The following PLBD2 variants were observed in gnomAD, a reference collection of about 807,000 sequenced individuals.
PLBD2 encodes the protein phospholipase B domain containing 2.
A neutral mutation model predicts 68.3 loss-of-function variants in PLBD2; 51 were observed. The ratio of observed to expected loss-of-function variants is 0.75; its 90% CI spans 0.60 to 0.94. The LOEUF (loss-of-function observed/expected upper bound fraction) is 0.94, where lower values mean the gene tolerates loss of function less well. PLBD2 is among the 40% of genes least tolerant of loss of function. The pLI is 0.00. For missense variants in PLBD2, 729 were observed against 792.2 expected, an observed-to-expected ratio of 0.92 and a Z score of 0.96; for synonymous variants, 314 against 339.3, an observed-to-expected ratio of 0.93 and a Z score of 0.82.
At chr12:113,371,393 G>A (rs1476234581) in intron 2 of PLBD2, among the ~76,000 whole-genome samples, 2 of 152,246 alleles carry the variant, frequency 1.3e-5, no homozygotes, top group African/African-American at 4.8e-5. Flanking sequence ...ATGCCTGGAG[G>A]CGAGGGGGAA....
chr12:113,380,824 C>G lies in PLBD2; in HGVS notation c.939C>G (p.Tyr313Ter). 1 of 1,556,214 alleles carries G rather than the reference C, an allele frequency of 6.4e-7. No individual in the cohort carries two copies. Among genetic ancestry groups the G allele is most frequent in the Non-Finnish European group, 8.7e-7 (1 of 1,149,656 alleles). Residue 313 changes from tyrosine to a stop codon, truncating the protein, a stop_gained, in exon 6 of 12, where the codon TAC becomes TAG. Coordinates refer to ENST00000280800, the MANE Select transcript of PLBD2 (RefSeq NM_173542.4). LOFTEE classifies it high-confidence loss of function. ...PGTIFSCDDF[Y>*]ILGSGLVTLE... ...CCATCTTCTCCTGCGACGACTTCTA[C>G]ATCCTGGGCAGTGGGCTGGTGAGTC...
intron 6 of PLBD2, among the ~76,000 whole-genome samples, chr12:113,383,695 A>G (rs1312803662): frequency 2.6e-5 from 4 of 151,524 alleles, no homozygotes; most frequent in African/African-American, 9.7e-5. Flanking sequence ...TTGGCCTCCC[A>G]AAGTGTGAGC....
rs775686686 is a variant in PLBD2, at chr12:113,369,148, A to G, written c.323A>G (p.Gln108Arg). 1.3e-5 allele frequency: 21 copies of G among 1,606,284 alleles called. No individual in the cohort carries two copies. Among genetic ancestry groups the G allele is most frequent in the Middle Eastern group, 1.7e-4 (1 of 6,056 alleles). The change falls in exon 2 of 12, where the codon CAA becomes CGA. Residue 108 changes from glutamine to arginine, a missense_variant. Physicochemically the swap from Gln to Arg is conservative, Grantham distance 43. Coordinates refer to ENST00000280800, the MANE Select transcript of PLBD2 (RefSeq NM_173542.4). ...TTCCTGGAGCTGGGCACAAGTGGCC[A>G]ATACAATGACAGCTTGCAGGCCTAT... ...WAFLELGTSG[Q>R]YNDSLQAYAA...
Position 113,369,226 on chromosome 12 carries a change from G to A in PLBD2, c.384+17G>A. The stretch of plus-strand genomic sequence containing the variant: ...TCGGAGGAGGTAAGGGCCAAGGTGG[G>A]GACATGGGGCTCCCACCCTGCCCCA... On this transcript the variant is annotated intron_variant, in intron 2 of 11. Transcript: ENST00000280800. The A allele has an allele frequency of 6.3e-7, 1 of 1,576,564 alleles. No individual in the cohort carries two copies. The highest frequency in any genetic ancestry group is 8.6e-7 in the Non-Finnish European group (1 of 1,160,092).
Position 113,372,820 on chromosome 12 carries a change from G to A in PLBD2, c.543+13G>A. Reference sequence around the variant, plus strand: ...TTACTGGCACCAGGTGAGTCCTGCTGCCACGCTTGGTGGGAGGGGGCTTCC... The same window carrying A: ...TTACTGGCACCAGGTGAGTCCTGCTACCACGCTTGGTGGGAGGGGGCTTCC... On this transcript the variant is annotated intron_variant, in intron 3 of 11. Coordinates refer to ENST00000280800, the MANE Select transcript of PLBD2 (RefSeq NM_173542.4). The surrounding 1 kb of genome is among the most constrained non-coding windows in gnomAD (Gnocchi z 4.2). 1 of 1,608,542 alleles carries A rather than the reference G, an allele frequency of 6.2e-7. No individual in the cohort carries two copies. The highest frequency in any genetic ancestry group is 8.5e-7 in the Non-Finnish European group (1 of 1,177,482).
chr12:113,376,645 A>T (rs955479898), intron 5 of PLBD2: 3 of 152,162 alleles, frequency 2.0e-5, no homozygotes. Flanking sequence ...GCATGAATAC[A>T]TTCTTCCTGT....
chr12:113,380,284 A>C (rs529966063), intron 5 of PLBD2, among the ~76,000 whole-genome samples: 75 of 152,120 alleles, frequency 4.9e-4, no homozygotes, highest in Admixed American at 1.4e-3. Context: ...CTATAGGCGC[A>C]CGCCACCACG....
At chr12:113,368,050 C>A (rs1957357053) in intron 1 of PLBD2, among the ~76,000 whole-genome samples, 1 of 152,056 alleles carries the variant, frequency 6.6e-6, no homozygotes, top group Admixed American at 6.6e-5. Flanking sequence ...CCAGTACCCC[C>A]CAGCCTGGGA....
chr12:113,358,717 G>C lies in PLBD2; in HGVS notation c.117G>C (p.Ala39=). The change falls in exon 1 of 12, where the codon GCG becomes GCC. Residue 39 remains alanine, a synonymous_variant. Transcript: ENST00000280800. Reference sequence around the variant, plus strand: ...TCGGGCCGTTCCTGAGCGGCCTGGCGGGGGCGATCCCAGCGCCGGGGGGCC... The same window carrying C: ...TCGGGCCGTTCCTGAGCGGCCTGGCCGGGGCGATCCCAGCGCCGGGGGGCC... ...LLVGPFLSGL[A]GAIPAPGGRW... 1 of 1,395,066 alleles carries C rather than the reference G, an allele frequency of 7.2e-7. No individual in the cohort carries two copies. Among genetic ancestry groups the C allele is most frequent in the South Asian group, 1.6e-5 (1 of 60,820 alleles). 86.4% of individuals were successfully genotyped at this position (1,395,066 alleles called of 1,614,324 possible). A position where few individuals can be genotyped will look rare whatever the true frequency, so the allele number is the denominator to read the frequency against.
intron 6 of PLBD2, among the ~76,000 whole-genome samples, chr12:113,382,835 T>TTTTGTGTGTGTGTGTG (rs1335785271): frequency 5.6e-5 from 6 of 106,608 alleles, no homozygotes; most frequent in African/African-American, 1.1e-4. Context: ...TGGTGGTTTT[T>TTTTGTGTGTGTGTGTG]TGTGTGTGTG....
Position 113,374,829 on chromosome 12 carries a change from G to C in PLBD2, c.681G>C (p.Glu227Asp), listed in dbSNP as rs1392411845. 1.9e-6 allele frequency: 3 copies of C among 1,613,782 alleles called. No homozygotes were observed. In the Admixed American group the frequency reaches 5.0e-5, roughly 27 times the overall value. The change falls in exon 5 of 12, where the codon GAG becomes GAC. Residue 227 changes from glutamate to aspartate, a missense_variant. Coordinates refer to ENST00000280800, the MANE Select transcript of PLBD2 (RefSeq NM_173542.4). ...LQLSGDLEDLELALNKTKIKP... is the reference protein window; with the variant it reads ...LQLSGDLEDLDLALNKTKIKP... ...TCTCTGGGGACCTGGAAGACCTGGA[G>C]CTGGCCCTGAACAAGACCAAGATCA... is the stretch of plus-strand genomic sequence containing the variant.
Position 113,390,910 on chromosome 12 carries a change from C to T in PLBD2, c.*2284C>T, listed in dbSNP as rs893256317. ...CCATCCACCCACCCACCCGTCCATCCACCTACCTATTCATTTATCACCCAT... is the reference window on the plus strand; with the variant it reads ...CCATCCACCCACCCACCCGTCCATCTACCTACCTATTCATTTATCACCCAT... On this transcript the variant is annotated 3_prime_UTR_variant, in exon 12 of 12. Coordinates refer to ENST00000280800, the MANE Select transcript of PLBD2 (RefSeq NM_173542.4). The T allele has an allele frequency of 2.0e-5, 3 of 152,070 alleles. No homozygotes were observed. The highest frequency in any genetic ancestry group is 7.2e-5 in the African/African-American group (3 of 41,406). The allele number at this position is 152,070 out of a possible 1,614,324, so 9.4% of individuals were successfully genotyped here.
At chr12:113,381,418 G>T (rs550232244) in intron 6 of PLBD2, among the ~76,000 whole-genome samples, 1 of 151,908 alleles carries the variant, frequency 6.6e-6, no homozygotes, top group Admixed American at 6.6e-5. Context: ...GGCACCCCTC[G>T]CTGAGAAAGT....
Position 113,372,906 on chromosome 12 carries a change from C to T in PLBD2, c.543+99C>T, listed in dbSNP as rs1221819665. The T allele has an allele frequency of 7.9e-6, 11 of 1,387,460 alleles. No homozygotes were observed. Among genetic ancestry groups the T allele is most frequent in the Non-Finnish European group, 1.1e-5 (11 of 1,019,794 alleles). The allele number at this position is 1,387,460 out of a possible 1,614,324, so 85.9% of individuals were successfully genotyped here. Reference sequence around the variant, plus strand: ...CAGCCTTGTGGCATGTCCAGCTGCCCAGCCGCCTCTGTTTCCATCATCATC... The same window carrying T: ...CAGCCTTGTGGCATGTCCAGCTGCCTAGCCGCCTCTGTTTCCATCATCATC... On this transcript the variant is annotated intron_variant, in intron 3 of 11. Transcript: ENST00000280800. This position sits in a 1 kb window ranked among gnomAD's most constrained non-coding sequence, Gnocchi z 4.2.
At chr12:113,367,297 G>A (rs1957349812) in intron 1 of PLBD2, among the ~76,000 whole-genome samples, 1 of 152,188 alleles carries the variant, frequency 6.6e-6, no homozygotes, top group Admixed American at 6.5e-5. Context: ...GAAGCATGTT[G>A]GAACTTCTGC....
Position 113,385,191 on chromosome 12 carries a change from C to G in PLBD2, c.1215-21C>G, listed in dbSNP as rs544586591. On this transcript the variant is annotated intron_variant, in intron 8 of 11. Coordinates refer to ENST00000280800, the MANE Select transcript of PLBD2 (RefSeq NM_173542.4). ...GCCCCTTTTCTGATCACCTCCACCC[C>G]ATCTCTCTTCTCGGTCTCAGCGGCA... 4.1e-5 allele frequency: 66 copies of G among 1,613,654 alleles called. 1 individual carries two copies. In the South Asian group the frequency reaches 6.9e-4, roughly 17 times the overall value.
chr12:113,379,778 C>A (rs1026571077), intron 5 of PLBD2, among the ~76,000 whole-genome samples: 4 of 151,900 alleles, frequency 2.6e-5, no homozygotes, highest in African/African-American at 9.7e-5. Flanking sequence ...CCCCATTGCA[C>A]TCCAGCCTGG....
At position 113,372,496 on chromosome 12, in the gene PLBD2, A is replaced by C. The variant is rs958597591; in HGVS notation, c.385-153A>C. Among the ~76,000 whole-genome samples, 2 of 152,100 alleles carry C rather than the reference A, an allele frequency of 1.3e-5. No individual in the cohort carries two copies. Among genetic ancestry groups the C allele is most frequent in the Non-Finnish European group, 2.9e-5 (2 of 68,008 alleles). On this transcript the variant is annotated intron_variant, in intron 2 of 11. Coordinates refer to ENST00000280800, the MANE Select transcript of PLBD2 (RefSeq NM_173542.4). This position sits in a 1 kb window ranked among gnomAD's most constrained non-coding sequence, Gnocchi z 4.2. The stretch of plus-strand genomic sequence containing the variant: ...GTCCCTATCCGGGGCAGAGCTGGGC[A>C]GGGAGAGGAGCCTCCAGGGAGAGGA...
Position 113,388,865 on chromosome 12 carries a change from A to T in PLBD2, c.*239A>T. On this transcript the variant is annotated 3_prime_UTR_variant, in exon 12 of 12. Coordinates refer to ENST00000280800, the MANE Select transcript of PLBD2 (RefSeq NM_173542.4). The stretch of plus-strand genomic sequence containing the variant: ...TCTTCTGCCCTGCCCTAAATCTCCC[A>T]CTCTCTGTTTCTGTCTGTTTCCTAC... 2 of 404,900 alleles carry T rather than the reference A, an allele frequency of 4.9e-6. No homozygotes were observed. The highest frequency in any genetic ancestry group is 8.7e-6 in the Non-Finnish European group (2 of 230,500). 25.1% of individuals were successfully genotyped at this position (404,900 alleles called of 1,614,324 possible). A position where few individuals can be genotyped will look rare whatever the true frequency, so the allele number is the denominator to read the frequency against.
Sources: allele counts gnomAD v4.1 joint callset (sites outside exome capture counted in the v4.1 genomes callset), GRCh38; gene constraint gnomAD v4.1.1; non-coding constraint Gnocchi (gnomAD v3.1); transcripts MANE v1.5; gene names NCBI Gene and HGNC (gene_info 2026-07-23, HGNC 2026-07-21).